The following SLC26A5 variants were observed in gnomAD, a reference collection of about 807,000 sequenced individuals.
The protein encoded by SLC26A5 is prestin.
SLC26A5 carries 51 observed loss-of-function variants against 81.0 expected under a neutral mutation model. That is an observed-to-expected ratio of 0.63 (90% CI 0.50 to 0.80). The LOEUF (loss-of-function observed/expected upper bound fraction) is 0.80, where lower values mean the gene tolerates loss of function less well. Ranked by LOEUF, SLC26A5 falls within the 30% of genes least tolerant of loss-of-function variation. The probability of loss-of-function intolerance (pLI) is 0.00; values close to 1 mark genes in which losing one functional copy is unlikely to be tolerated. For synonymous variants in SLC26A5, 325 were observed against 332.8 expected (o/e 0.98, Z 0.25); for missense variants, 771 against 905.8 (o/e 0.85, Z 1.91).
intron 2 of SLC26A5, 26 bp downstream of exon 2, chr7:103,443,057 C>G (rs1365992766): frequency 1.3e-5 from 2 of 152,218 alleles, no homozygotes; most frequent in Non-Finnish European, 2.9e-5. Flanking sequence ...CTCCTATTTA[C>G]TAGTTCCAGG....
chr7:103,415,618 AAT>A (rs1470205264), intron 4 of SLC26A5, among the ~76,000 whole-genome samples: 9 of 152,290 alleles, frequency 5.9e-5, no homozygotes, highest in African/African-American at 2.2e-4. Flanking sequence ...ACTCGTTCTA[AAT>A]ATGTTTGTAT....
At chr7:103,415,734 C>T (rs1586335241) in intron 4 of SLC26A5, among the ~76,000 whole-genome samples, 1 of 152,096 alleles carries the variant, frequency 6.6e-6, no homozygotes, top group Admixed American at 6.5e-5. Context: ...GTCTGAGATC[C>T]TCTATTTATC....
At chr7:103,406,494 C>T (rs1315650869) in intron 8 of SLC26A5, among the ~76,000 whole-genome samples, 1 of 152,170 alleles carries the variant, frequency 6.6e-6, no homozygotes, top group Non-Finnish European at 1.5e-5. Flanking sequence ...GTTCAGCTTG[C>T]CCTCTGTGGG....
intron 18 of SLC26A5, among the ~76,000 whole-genome samples, chr7:103,377,333 G>A (rs1821426271): frequency 1.3e-5 from 2 of 152,102 alleles, no homozygotes; most frequent in Non-Finnish European, 2.9e-5. Context: ...TGACTGGGAT[G>A]TGTTTCAAAA....
In SLC26A5 at chr7:103,410,514, G is replaced by T; in HGVS notation, c.606C>A (p.Ala202=). Residue 202 remains alanine (A), a synonymous_variant, in exon 7 of 20, where the codon GCC becomes GCA. Transcript: ENST00000306312. The part of the protein sequence containing the change: ...CLGVCRFGFV[A]IYLTEPLVRG... ...GGACCAGAGGCTCTGTGAGATATAT[G>T]GCCACAAATCCAAACCTACAGACAC... 6.2e-7 allele frequency: 1 copy of T among 1,613,854 alleles called. No individual in the cohort carries two copies. The highest frequency in any genetic ancestry group is 1.7e-4 in the Middle Eastern group (1 of 6,060).
chr7:103,380,104 A>G (rs1446079484), intron 15 of SLC26A5, among the ~76,000 whole-genome samples: 5 of 152,156 alleles, frequency 3.3e-5, no homozygotes, highest in African/African-American at 1.2e-4. Context: ...ATTCAAATGA[A>G]GTGGGAGAAT....
chr7:103,400,913 G>A (rs916731960), intron 8 of SLC26A5, among the ~76,000 whole-genome samples: 1 of 152,162 alleles, frequency 6.6e-6, no homozygotes, highest in Admixed American at 6.5e-5. Flanking sequence ...CTGTTCCACA[G>A]GTCTATATAT....
At chr7:103,421,180 A>G (rs932391690) in intron 3 of SLC26A5, among the ~76,000 whole-genome samples, 183 bp downstream of exon 3, 1 of 152,226 alleles carries the variant, frequency 6.6e-6, no homozygotes, top group East Asian at 1.9e-4. Context: ...GGTGAAATTC[A>G]TGATGAAGCC....
rs773544931 is a variant in SLC26A5 at position 103,389,414 on chromosome 7, G to A, written c.1322C>T (p.Ser441Leu). The A allele has an allele frequency of 5.6e-6, 9 of 1,613,256 alleles. No individual in the cohort carries two copies. Among genetic ancestry groups the A allele is most frequent in the South Asian group, 3.3e-5 (3 of 91,040 alleles). Reference sequence around the variant, plus strand: ...CTTCAGGTTGACAATCACAATGGCCGACAGCACAGCCTGAAACAGAGCACA... The same window carrying A: ...CTTCAGGTTGACAATCACAATGGCCAACAGCACAGCCTGAAACAGAGCACA... ...LFESLPQAVL[S>L]AIVIVNLKGM... The change falls in exon 13 of 20, where the codon TCG (serine) becomes TTG (leucine). Residue 441 changes from serine (S) to leucine (L), a missense_variant. Physicochemically the swap from Ser to Leu is moderately radical, Grantham distance 145 (BLOSUM62 -2). Transcript: ENST00000306312.
At chr7:103,417,651 T>C (rs188507917) in intron 4 of SLC26A5, among the ~76,000 whole-genome samples, 1 of 152,322 alleles carries the variant, frequency 6.6e-6, no homozygotes, top group East Asian at 1.9e-4. Flanking sequence ...GGGCTCACCA[T>C]ATATTAAATA....
At chr7:103,384,530 C>T (rs1822036646) in intron 14 of SLC26A5, among the ~76,000 whole-genome samples, 1 of 151,902 alleles carries the variant, frequency 6.6e-6, no homozygotes, top group South Asian at 2.1e-4. Context: ...AGGCAGAGAA[C>T]TGCTTGAACC....
chr7:103,411,297 C>G (rs1332815785), intron 6 of SLC26A5, 123 bp downstream of exon 6: 2 of 1,134,890 alleles, frequency 1.8e-6, no homozygotes, highest in African/African-American at 3.1e-5. Context: ...CAGTTACTCC[C>G]AGAGCTCTGG....
intron 19 of SLC26A5, chr7:103,353,904 T>C (rs760364660): frequency 1.9e-6 from 3 of 1,598,312 alleles, no homozygotes; most frequent in South Asian, 1.1e-5. Flanking sequence ...TCTCACGTAT[T>C]GTCTCTCTTC....
At chr7:103,432,812 C>T (rs767642915) in intron 2 of SLC26A5, among the ~76,000 whole-genome samples, 2 of 152,026 alleles carry the variant, frequency 1.3e-5, no homozygotes, top group African/African-American at 2.4e-5. Context: ...ACACTTAAGT[C>T]GTGATGTGTT....
downstream of SLC26A5, among the ~76,000 whole-genome samples, chr7:103,371,076 A>G (rs1161170234): frequency 1.3e-5 from 2 of 152,252 alleles, no homozygotes; most frequent in Non-Finnish European, 2.9e-5. Context: ...CTGTAAGACA[A>G]AAAAGTCAGG....
At position 103,354,365 on chromosome 7, in the gene SLC26A5, A is replaced by ATT. The variant is rs752847513; in HGVS notation, c.2042-1441_2042-1440dup. 5.3e-3 allele frequency among the ~76,000 whole-genome samples: 710 copies of ATT among 134,532 alleles called. 7 individuals are homozygous for ATT. The highest frequency in any genetic ancestry group is 0.018 in the African/African-American group (657 of 35,982). The allele number at this position is 134,532 out of a possible 152,430, so 88.3% of individuals were successfully genotyped here. ...ATAGTTTTGCATAATTTCACACACG[A>ATT]TTTTTTTTTTTTTTTTTTTTGAAAC... On this transcript the variant is annotated intron_variant, in intron 19 of 19. Transcript: ENST00000339444.
rs530584531 is a variant in SLC26A5 at position 103,404,586 on chromosome 7, C to T, written c.888+3265G>A. ...GATGGGGTTCCCTTTGTGGGTAACC[C>T]GACCTTTCTCTCTGGCTGCCCTTAA... On this transcript the variant is annotated intron_variant, in intron 8 of 19. Coordinates refer to ENST00000306312, the MANE Select transcript of SLC26A5 (RefSeq NM_198999.3). Among the ~76,000 whole-genome samples the T allele has an allele frequency of 3.0e-4, 46 of 152,098 alleles. 1 individual carries two copies. The highest frequency in any genetic ancestry group is 1.4e-3 in the Admixed American group (22 of 15,266).
intron 19 of SLC26A5, chr7:103,361,831 A>G: frequency 1.1e-6 from 1 of 876,768 alleles, no homozygotes; most frequent in Non-Finnish European, 1.6e-6. Flanking sequence ...GATCTTTAAC[A>G]GTGTCCCAGT....
intron 2 of SLC26A5, among the ~76,000 whole-genome samples, chr7:103,431,294 A>G (rs928073664): frequency 2.6e-5 from 4 of 151,400 alleles, no homozygotes; most frequent in Non-Finnish European, 5.9e-5. Context: ...CTTTAGTTCT[A>G]TTTCCTGAAG....
Sources: allele counts gnomAD v4.1 joint callset (sites outside exome capture counted in the v4.1 genomes callset), GRCh38; gene constraint gnomAD v4.1.1; transcripts MANE v1.5; gene names NCBI Gene and HGNC (gene_info 2026-07-23, HGNC 2026-07-21).